SDK1: variants seen among roughly 807,000 people sequenced by gnomAD.
SDK1 encodes the protein protein sidekick-1.
Under a neutral mutation model 245.5 loss-of-function variants are expected in SDK1, and 157 were observed. The observed-to-expected ratio is 0.64, with a 90% CI of 0.56 to 0.73. SDK1 has a LOEUF of 0.73. Among genes scored for constraint, SDK1 ranks in the 30% least tolerant of loss-of-function variants. The probability of loss-of-function intolerance (pLI) is 0.00; values close to 1 mark genes in which losing one functional copy is unlikely to be tolerated. For synonymous variants in SDK1, 1,647 were observed against 1,278.5 expected, an observed-to-expected ratio of 1.29 and a Z score of -6.15; for missense variants, 3,583 against 3,002.3, an observed-to-expected ratio of 1.19 and a Z score of -4.52.
At chr7:3,411,017 A>G (rs1040265980) in intron 1 of SDK1, among the ~76,000 whole-genome samples, 2 of 152,164 alleles carry the variant, frequency 1.3e-5, no homozygotes, top group African/African-American at 4.8e-5. Context: ...TTTGCTTATT[A>G]AATGAACAAT....
At chr7:3,339,847 G>A (rs1051369021) in intron 1 of SDK1, among the ~76,000 whole-genome samples, 1 of 151,968 alleles carries the variant, frequency 6.6e-6, no homozygotes, top group African/African-American at 2.4e-5. Flanking sequence ...GCCTAAGCAA[G>A]CAGAACGAAG....
At chr7:4,094,073 T>G (rs969267528) in intron 22 of SDK1, among the ~76,000 whole-genome samples, 1 of 152,252 alleles carries the variant, frequency 6.6e-6, no homozygotes, top group South Asian at 2.1e-4. Flanking sequence ...TTTGCTTTTT[T>G]TGAGACGGAC....
intron 1 of SDK1, among the ~76,000 whole-genome samples, chr7:3,558,892 A>G (rs772314882): frequency 2.9e-4 from 44 of 152,358 alleles, no homozygotes; most frequent in Non-Finnish European, 4.8e-4. Context: ...GCATTTCATT[A>G]GACAAATGTA....
In SDK1 at chr7:3,777,836, C is replaced by A. The variant is rs79910783; in HGVS notation, c.714-43614C>A. On this transcript the variant is annotated intron_variant, in intron 4 of 44. Coordinates refer to ENST00000404826, the MANE Select transcript of SDK1 (RefSeq NM_152744.4). Reference sequence around the variant, plus strand: ...TAAGCTTAGAGACTTTACAGAAAGTCGTCCTTAAAGTGTTGCTAAAAAATA... The same window carrying A: ...TAAGCTTAGAGACTTTACAGAAAGTAGTCCTTAAAGTGTTGCTAAAAAATA... Among the ~76,000 whole-genome samples, 20 of 152,270 alleles carry A rather than the reference C, an allele frequency of 1.3e-4. No individual in the cohort carries two copies. In the East Asian group the frequency reaches 3.9e-3, roughly 29 times the overall value.
At chr7:3,792,526 G>A (rs1164796537) in intron 4 of SDK1, among the ~76,000 whole-genome samples, 2 of 152,168 alleles carry the variant, frequency 1.3e-5, no homozygotes, top group African/African-American at 2.4e-5. Context: ...ATGAATAAGC[G>A]AATAATGCAA....
At chr7:4,077,263 CA>C in intron 21 of SDK1, 74 bp downstream of exon 21, 1 of 1,436,758 alleles carries the variant, frequency 7.0e-7, no homozygotes, top group Non-Finnish European at 9.5e-7. Flanking sequence ...AGTTGATTGG[CA>C]CTTTGGTGTG....
intron 25 of SDK1, among the ~76,000 whole-genome samples, chr7:4,124,186 T>C (rs1223309434): frequency 6.6e-6 from 1 of 152,254 alleles, no homozygotes; most frequent in Non-Finnish European, 1.5e-5. Flanking sequence ...AGGATGCACA[T>C]GAACCCTGGC....
At chr7:3,486,163 T>A (rs890155219) in intron 1 of SDK1, among the ~76,000 whole-genome samples, 3 of 152,102 alleles carry the variant, frequency 2.0e-5, no homozygotes, top group African/African-American at 7.2e-5. Flanking sequence ...TTTTTTCTTA[T>A]GAAAATTTTA....
chr7:3,770,582 A>G (rs1055451424), intron 4 of SDK1, among the ~76,000 whole-genome samples: 3 of 152,212 alleles, frequency 2.0e-5, no homozygotes, highest in African/African-American at 7.2e-5. Context: ...GTCTGAGTGG[A>G]GTAGAGAGGC....
At chr7:3,787,171 C>T (rs987673805) in intron 4 of SDK1, among the ~76,000 whole-genome samples, 1 of 151,644 alleles carries the variant, frequency 6.6e-6, no homozygotes, top group African/African-American at 2.4e-5. Context: ...CACACACACA[C>T]ACACACACAC....
chr7:4,014,320 T>C (rs1001035380), intron 16 of SDK1, among the ~76,000 whole-genome samples: 1 of 152,224 alleles, frequency 6.6e-6, no homozygotes, highest in Non-Finnish European at 1.5e-5. Flanking sequence ...TTTTCTGTGA[T>C]GGGGTCAGTA....
intron 4 of SDK1, among the ~76,000 whole-genome samples, chr7:3,725,988 G>C (rs564029919): frequency 1.3e-5 from 2 of 152,144 alleles, no homozygotes; most frequent in Non-Finnish European, 2.9e-5. Context: ...AGTGCAAGAC[G>C]GACACTATTA....
intron 14 of SDK1, among the ~76,000 whole-genome samples, chr7:3,993,477 G>A (rs1290496402): frequency 1.3e-5 from 2 of 152,006 alleles, no homozygotes; most frequent in African/African-American, 2.4e-5. Context: ...TTTTTTAATA[G>A]GATGAGTGTT....
intron 4 of SDK1, among the ~76,000 whole-genome samples, chr7:3,703,599 T>C (rs1784803386): frequency 6.6e-6 from 1 of 152,190 alleles, no homozygotes; most frequent in Admixed American, 6.5e-5. Flanking sequence ...ATTGCACTAA[T>C]TTCAATTTCC....
At chr7:3,581,126 T>G (rs1157853802) in intron 1 of SDK1, among the ~76,000 whole-genome samples, 1 of 152,070 alleles carries the variant, frequency 6.6e-6, no homozygotes, top group Non-Finnish European at 1.5e-5. Context: ...CTAATTAAAC[T>G]TAATAGCTTT....
At position 3,707,384 on chromosome 7, in the gene SDK1, C is replaced by T. The variant is rs566004800; in HGVS notation, c.713+65279C>T. On this transcript the variant is annotated intron_variant, in intron 4 of 44. Transcript: ENST00000404826. ...TCAAGGTTCCTTTTGTAGTTCATTT[C>T]TCATTTTATTCTATTCTGATCAGAG... Among the ~76,000 whole-genome samples the T allele has an allele frequency of 4.6e-5, 7 of 152,264 alleles. No individual in the cohort carries two copies. The East Asian group carries it at 1.3e-3, about 29-fold the overall frequency.
chr7:3,460,376 ATATC>A (rs2128594627), intron 1 of SDK1, among the ~76,000 whole-genome samples: 1 of 152,344 alleles, frequency 6.6e-6, no homozygotes, highest in Admixed American at 6.5e-5. Context: ...ATGTGAGTCA[ATATC>A]TATTACAGAC....
intron 1 of SDK1, among the ~76,000 whole-genome samples, chr7:3,400,858 G>C (rs56123834): frequency 0.11 from 17,244 of 152,156 alleles, 1,104 homozygotes; most frequent in Middle Eastern, 0.18. Context: ...TTCAACCTCA[G>C]TTTTCAAAGC....
chr7:4,248,926 T>A (rs1434280585), intron 44 of SDK1, among the ~76,000 whole-genome samples: 1 of 147,478 alleles, frequency 6.8e-6, no homozygotes, highest in East Asian at 1.9e-4. Context: ...CACATACACA[T>A]ATGTACATAC....
Sources: gnomAD v4.1 joint callset for allele counts (sites outside exome capture counted in the v4.1 genomes callset) on GRCh38, gnomAD v4.1.1 for gene constraint, MANE v1.5 for transcripts, NCBI Gene and HGNC (gene_info 2026-07-23, HGNC 2026-07-21) for gene names.